Variants in LAMA4 observed in about 807,000 individuals in gnomAD.
The protein encoded by LAMA4 is laminin subunit alpha-4.
LAMA4 carries 127 observed loss-of-function variants against 207.1 expected under a neutral mutation model. That is an observed-to-expected ratio of 0.61 (90% CI 0.53 to 0.71). The LOEUF is 0.71. LAMA4 is among the 30% of genes least tolerant of loss of function. The pLI, the probability that LAMA4 is intolerant of heterozygous loss-of-function variation, is 0.00. For missense variants in LAMA4, 2,093 were observed against 2,246.5 expected, an observed-to-expected ratio of 0.93 and a Z score of 1.38; for synonymous variants, 761 against 816.0, an observed-to-expected ratio of 0.93 and a Z score of 1.15.
chr6:112,141,269 T>C (rs1554333143), intron 21 of LAMA4, 89 bp downstream of exon 21: 1 of 803,994 alleles, frequency 1.2e-6, no homozygotes, highest in Non-Finnish European at 1.9e-6. Context: ...AGACTGTGTA[T>C]GTGTGTGTGT....
intron 2 of LAMA4, 185 bp from the exon 3 acceptor site, chr6:112,216,654 G>A (rs1161820093): frequency 3.3e-6 from 2 of 614,856 alleles, no homozygotes; most frequent in Admixed American, 2.4e-5. Flanking sequence ...GATAGATGAT[G>A]TATATATAAT....
At chr6:112,216,214 T>C (rs1458994912) in intron 3 of LAMA4, among the ~76,000 whole-genome samples, 154 bp downstream of exon 3, 1 of 152,228 alleles carries the variant, frequency 6.6e-6, no homozygotes, top group Admixed American at 6.5e-5. Context: ...GTAGTTTATA[T>C]GAGTTGTTTC....
intron 2 of LAMA4, among the ~76,000 whole-genome samples, chr6:112,233,801 CTCTCA>C: frequency 6.6e-6 from 1 of 152,170 alleles, no homozygotes; most frequent in South Asian, 2.1e-4. Context: ...CTGGTAATCT[CTCTCA>C]ATAAAAACAC....
At chr6:112,241,059 T>C (rs192913551) in intron 2 of LAMA4, among the ~76,000 whole-genome samples, 11 of 146,958 alleles carry the variant, frequency 7.5e-5, no homozygotes, top group African/African-American at 2.2e-4. Flanking sequence ...CTCAGGACTC[T>C]ATTGAAAAAC....
chr6:112,163,464 T>C (rs1781196883), intron 13 of LAMA4, among the ~76,000 whole-genome samples: 1 of 152,124 alleles, frequency 6.6e-6, no homozygotes, highest in African/African-American at 2.4e-5. Context: ...AAGAAACCGC[T>C]AGCCAGGGTA....
chr6:112,121,777 T>C, intron 32 of LAMA4: 1 of 448,670 alleles, frequency 2.2e-6, no homozygotes, highest in South Asian at 2.2e-5. Flanking sequence ...TTCTTTTTGA[T>C]CAAATACAGT....
intron 16 of LAMA4, among the ~76,000 whole-genome samples, chr6:112,151,191 A>G (rs528870234): frequency 9.8e-5 from 15 of 152,318 alleles, no homozygotes; most frequent in African/African-American, 3.1e-4. Flanking sequence ...ACCCAAAGAT[A>G]ATCACTTTTT....
At chr6:112,241,447 G>A (rs920142480) in intron 2 of LAMA4, among the ~76,000 whole-genome samples, 1 of 151,830 alleles carries the variant, frequency 6.6e-6, no homozygotes, top group East Asian at 1.9e-4. Flanking sequence ...ATTAGCTGGG[G>A]TATTGCTAAG....
intron 17 of LAMA4, 191 bp downstream of exon 17, chr6:112,150,320 C>T: frequency 9.6e-6 from 6 of 625,994 alleles, no homozygotes; most frequent in Non-Finnish European, 1.4e-5. Flanking sequence ...GGTGTGATTA[C>T]AGCATTTATA....
chr6:112,116,935 G>A (rs910124438), intron 35 of LAMA4, among the ~76,000 whole-genome samples: 3 of 152,164 alleles, frequency 2.0e-5, no homozygotes, highest in Non-Finnish European at 4.4e-5. Flanking sequence ...GCTAAGCAGA[G>A]AGGAAATACT....
chr6:112,242,533 G>A (rs1786592205), intron 2 of LAMA4, among the ~76,000 whole-genome samples: 1 of 152,112 alleles, frequency 6.6e-6, no homozygotes, highest in Non-Finnish European at 1.5e-5. Context: ...AAACAGCCTG[G>A]GGATATGGTG....
intron 2 of LAMA4, chr6:112,251,688 A>T (rs1422600808): frequency 1.3e-5 from 2 of 152,260 alleles, no homozygotes; most frequent in Non-Finnish European, 2.9e-5. Context: ...ACTGCTATAA[A>T]GAGCATGGGA....
At chr6:112,144,760 C>T (rs781994076) in intron 19 of LAMA4, 34 bp downstream of exon 19, 73 of 1,609,728 alleles carry the variant, frequency 4.5e-5, no homozygotes, top group Non-Finnish European at 5.9e-5. Context: ...TTATTATTAC[C>T]GCTGACTGAC....
Position 112,117,815 on chromosome 6 carries a change from G to T in LAMA4, c.4905C>A (p.Phe1635Leu). 5.6e-6 allele frequency: 9 copies of T among 1,613,764 alleles called. No individual in the cohort carries two copies. Among genetic ancestry groups the T allele is most frequent in the Non-Finnish European group, 7.6e-6 (9 of 1,179,732 alleles). The change falls in exon 35 of 39, where the codon TTC becomes TTA. Residue 1635 changes from phenylalanine to leucine, a missense_variant. By Grantham distance (22) the Phe-to-Leu change is conservative (BLOSUM62 0). Coordinates refer to ENST00000230538, the MANE Select transcript of LAMA4 (RefSeq NM_001105206.3). The surrounding 1 kb of genome is among the most constrained non-coding windows in gnomAD (Gnocchi z 4.5). The part of the protein sequence containing the change: ...GASITSASQT[F>L]SVTPCFEGPM... ...GGCCTTCAAAGCAAGGGGTCACACT[G>T]AATGTCTGAGAAGCAGAGGTGATGG...
At chr6:112,121,703 G>C (rs1778369062) in intron 32 of LAMA4, 1 of 353,282 alleles carries the variant, frequency 2.8e-6, no homozygotes, top group Non-Finnish European at 5.5e-6. Context: ...AGAGGGAGGG[G>C]GATATCAATG....
At chr6:112,114,009 C>A in intron 38 of LAMA4, 67 bp downstream of exon 38, 2 of 1,581,004 alleles carry the variant, frequency 1.3e-6, no homozygotes, top group Non-Finnish European at 1.7e-6. Context: ...TGGCTCAATT[C>A]TACAATAACA....
intron 24 of LAMA4, 73 bp downstream of exon 24, chr6:112,139,047 G>T (rs1264820730): frequency 2.1e-6 from 3 of 1,441,182 alleles, no homozygotes; most frequent in South Asian, 1.1e-5. Context: ...GACCTGGGAA[G>T]GTTCCTGGAA....
At chr6:112,161,673 G>A (rs1005055566) in intron 13 of LAMA4, among the ~76,000 whole-genome samples, 7 of 152,308 alleles carry the variant, frequency 4.6e-5, no homozygotes, top group African/African-American at 1.7e-4. Context: ...GCTAATTTCA[G>A]GGAGTAAAAG....
At chr6:112,111,613 TA>T (rs1777700700) in intron 38 of LAMA4, among the ~76,000 whole-genome samples, 1 of 152,238 alleles carries the variant, frequency 6.6e-6, no homozygotes, top group African/African-American at 2.4e-5. Flanking sequence ...TATAATTAAT[TA>T]CATTTCATCT....
Sources: allele counts gnomAD v4.1 joint callset (sites outside exome capture counted in the v4.1 genomes callset), GRCh38; gene constraint gnomAD v4.1.1; non-coding constraint Gnocchi (gnomAD v3.1); transcripts MANE v1.5; gene names NCBI Gene and HGNC (gene_info 2026-07-23, HGNC 2026-07-21).